Variants in CD1B observed in about 807,000 individuals in gnomAD.
The protein encoded by CD1B is CD1b molecule.
CD1B carries 43 observed loss-of-function variants against 39.8 expected under a neutral mutation model. The ratio of observed to expected loss-of-function variants is 1.08; its 90% CI spans 0.85 to 1.39. The LOEUF is 1.39. Among genes scored for constraint, CD1B ranks in the 40% most tolerant of loss-of-function variants. The pLI is 0.00. For synonymous variants in CD1B, 192 were observed against 152.5 expected (o/e 1.26, Z -1.91); for missense variants, 495 against 403.8 (o/e 1.23, Z -1.94).
At chr1:158,308,660 C>T in the CD1B span, among the ~76,000 whole-genome samples, 1 of 152,104 alleles carries the variant, frequency 6.6e-6, no homozygotes, top group East Asian at 1.9e-4. Flanking sequence ...AGAACAGAGC[C>T]CTCAGAAATA....
the CD1B span, among the ~76,000 whole-genome samples, chr1:158,298,641 C>A: frequency 6.6e-6 from 1 of 152,144 alleles, no homozygotes; most frequent in Non-Finnish European, 1.5e-5. Context: ...TTCTTCCTAT[C>A]GATGAGCATG....
At chr1:158,314,790 A>C in the CD1B span, among the ~76,000 whole-genome samples, 1 of 149,658 alleles carries the variant, frequency 6.7e-6, no homozygotes, top group East Asian at 2.0e-4. Flanking sequence ...ATATCTCCCA[A>C]TGCTATCCCT....
chr1:158,290,823 A>C, the CD1B span, among the ~76,000 whole-genome samples: 1 of 152,162 alleles, frequency 6.6e-6, no homozygotes, highest in Admixed American at 6.5e-5. Flanking sequence ...GGTGGTGACA[A>C]TGCAGATAGT....
At chr1:158,318,487 C>G in the CD1B span, among the ~76,000 whole-genome samples, 1 of 151,844 alleles carries the variant, frequency 6.6e-6, no homozygotes, top group African/African-American at 2.4e-5. Context: ...GATTGCAATC[C>G]CTGCCTTTTT....
At chr1:158,288,567 T>C in the CD1B span, among the ~76,000 whole-genome samples, 1 of 152,104 alleles carries the variant, frequency 6.6e-6, no homozygotes, top group Non-Finnish European at 1.5e-5. Context: ...AACTTTTTAA[T>C]TTTTTTATCG....
downstream of CD1B, among the ~76,000 whole-genome samples, chr1:158,324,037 C>T (rs186639963): frequency 2.4e-4 from 37 of 152,332 alleles, no homozygotes; most frequent in East Asian, 7.1e-3. Flanking sequence ...CAGATCACAG[C>T]TGAGTGGGTC....
the CD1B span, chr1:158,291,984 A>G: frequency 1.6e-6 from 2 of 1,238,106 alleles, no homozygotes; most frequent in Non-Finnish European, 2.3e-6. Flanking sequence ...ACATCCATGT[A>G]AAACTTTCTT....
chr1:158,300,613 A>C, the CD1B span, among the ~76,000 whole-genome samples: 1 of 152,066 alleles, frequency 6.6e-6, no homozygotes, highest in Non-Finnish European at 1.5e-5. Context: ...GTGTGGGAGT[A>C]TAAGTCTCTT....
At chr1:158,295,991 T>A in the CD1B span, among the ~76,000 whole-genome samples, 1 of 152,128 alleles carries the variant, frequency 6.6e-6, no homozygotes, top group African/African-American at 2.4e-5. Flanking sequence ...CATGCGTGCA[T>A]GTACCCTGCC....
At chr1:158,295,976 GCCTA>G in the CD1B span, among the ~76,000 whole-genome samples, 3 of 152,116 alleles carry the variant, frequency 2.0e-5, no homozygotes, top group Admixed American at 2.0e-4. Context: ...GTCCCCACTA[GCCTA>G]CATGCGTGCA....
chr1:158,315,271 C>T, the CD1B span, among the ~76,000 whole-genome samples: 1 of 152,172 alleles, frequency 6.6e-6, no homozygotes, highest in Non-Finnish European at 1.5e-5. Flanking sequence ...ACAGTCCCAT[C>T]AACAGTGTAA....
the CD1B span, chr1:158,292,364 A>C: frequency 6.2e-7 from 1 of 1,611,292 alleles, no homozygotes; most frequent in Non-Finnish European, 8.5e-7. Flanking sequence ...TACACAGGCA[A>C]GGTCAGTAGT....
chr1:158,325,816 C>T (rs1377369710), downstream of CD1B, among the ~76,000 whole-genome samples: 2 of 151,920 alleles, frequency 1.3e-5, no homozygotes, highest in African/African-American at 4.8e-5. Context: ...ACTGTTGTGC[C>T]ACCTTCAATA....
downstream of CD1B, among the ~76,000 whole-genome samples, chr1:158,323,703 A>T (rs372624823): frequency 1.3e-5 from 2 of 152,222 alleles, no homozygotes; most frequent in East Asian, 1.9e-4. Flanking sequence ...TTTCAGCACT[A>T]GAGGAAACTC....
downstream of CD1B, among the ~76,000 whole-genome samples, chr1:158,324,746 GGACCAGA>G (rs1488648312): frequency 2.0e-5 from 3 of 151,990 alleles, no homozygotes; most frequent in African/African-American, 7.3e-5. Context: ...CAACTAACAA[GGACCAGA>G]GATCCTTGCT....
downstream of CD1B, among the ~76,000 whole-genome samples, chr1:158,327,225 T>C (rs773177773): frequency 6.6e-6 from 1 of 152,144 alleles, no homozygotes; most frequent in Admixed American, 6.5e-5. Context: ...CACTGATTGG[T>C]GTGTTTTTAC....
chr1:158,307,819 T>C, the CD1B span, among the ~76,000 whole-genome samples: 2 of 152,170 alleles, frequency 1.3e-5, no homozygotes, highest in Non-Finnish European at 2.9e-5. Context: ...AAATTAGGTA[T>C]TGATGGGATG....
At position 158,329,853 on chromosome 1, in the gene CD1B, T is replaced by C. The variant is rs1412373346; in HGVS notation, c.606A>G (p.Gln202=). The change falls in exon 3 of 6, where the codon CAA becomes CAG. Residue 202 remains glutamine, a splice_region_variant and synonymous_variant. Transcript: ENST00000368168. ...LNAGKADLQR[Q]VKPEAWLSSG... is the part of the protein sequence containing the mutation. ...AAGTGAAATAACAGCAGGACTAACC[T>C]TGTCTTTGCAGATCTGCTTTTCCTG... 9.3e-6 allele frequency: 15 copies of C among 1,612,468 alleles called. No individual in the cohort carries two copies. The highest frequency in any genetic ancestry group is 1.3e-5 in the Non-Finnish European group (15 of 1,179,082).
the CD1B span, among the ~76,000 whole-genome samples, chr1:158,298,195 G>C: frequency 1.3e-5 from 2 of 152,088 alleles, no homozygotes; most frequent in African/African-American, 4.8e-5. Flanking sequence ...AGAAGACTTA[G>C]CTATCCTCAA....
Sources: allele counts gnomAD v4.1 joint callset (sites outside exome capture counted in the v4.1 genomes callset), GRCh38; gene constraint gnomAD v4.1.1; transcripts MANE v1.5; gene names NCBI Gene and HGNC (gene_info 2026-07-23, HGNC 2026-07-21).